Variants in CPPED1 observed in about 807,000 individuals in gnomAD.
CPPED1 encodes the protein calcineurin like phosphoesterase domain containing 1.
Under a neutral mutation model 28.0 loss-of-function variants are expected in CPPED1, and 28 were observed. The observed-to-expected ratio is 1.00, with a 90% CI of 0.74 to 1.37. The LOEUF is 1.37. Among genes scored for constraint, CPPED1 ranks in the 40% most tolerant of loss-of-function variants. CPPED1 has a pLI of 0.00. For missense variants in CPPED1, 504 were observed against 416.5 expected, an observed-to-expected ratio of 1.21 and a Z score of -1.83; for synonymous variants, 198 against 180.2, an observed-to-expected ratio of 1.10 and a Z score of -0.79.
At chr16:12,667,725 T>C (rs2079833067) in intron 3 of CPPED1, among the ~76,000 whole-genome samples, 1 of 152,206 alleles carries the variant, frequency 6.6e-6, no homozygotes, top group African/African-American at 2.4e-5. Context: ...AACATGCTCT[T>C]GATTTGAGTT....
intron 2 of CPPED1, among the ~76,000 whole-genome samples, chr16:12,752,385 C>T (rs555710986): frequency 6.6e-6 from 1 of 151,930 alleles, no homozygotes; most frequent in Non-Finnish European, 1.5e-5. Context: ...TACTCTACCA[C>T]ACGAAATATG....
chr16:12,803,678 C>T, intron 1 of CPPED1, 29 bp downstream of exon 1: 2 of 1,490,868 alleles, frequency 1.3e-6, no homozygotes, highest in Non-Finnish European at 1.8e-6. Flanking sequence ...GCCCCAGAGT[C>T]CCCTCCCCGG....
At position 12,757,077 on chromosome 16, in the gene CPPED1, C is replaced by T. The variant is rs138245450; in HGVS notation, c.289+24108G>A. On this transcript the variant is annotated intron_variant, in intron 2 of 3. Transcript: ENST00000381774. Reference sequence around the variant, plus strand: ...TAAGTTATAGCACCTCGAGGATGACCAACTAAGTTACAGCACCTTGAGGGT... The same window carrying T: ...TAAGTTATAGCACCTCGAGGATGACTAACTAAGTTACAGCACCTTGAGGGT... Among the ~76,000 whole-genome samples the T allele has an allele frequency of 2.6e-3, 401 of 152,230 alleles. 1 individual carries two copies. Among genetic ancestry groups the T allele is most frequent in the Non-Finnish European group, 3.8e-3 (261 of 68,002 alleles).
chr16:12,724,497 G>A (rs1276887543), intron 2 of CPPED1, among the ~76,000 whole-genome samples: 1 of 152,106 alleles, frequency 6.6e-6, no homozygotes, highest in African/African-American at 2.4e-5. Flanking sequence ...CACCAGCCTG[G>A]CCTCTTCCAA....
intron 2 of CPPED1, among the ~76,000 whole-genome samples, chr16:12,710,348 G>C (rs530644374): frequency 2.6e-5 from 4 of 151,992 alleles, no homozygotes; most frequent in Admixed American, 2.6e-4. Flanking sequence ...CAACTGGGAG[G>C]CTGGTCATGT....
chr16:12,710,952 A>T (rs2080076903), intron 2 of CPPED1, among the ~76,000 whole-genome samples: 1 of 152,234 alleles, frequency 6.6e-6, no homozygotes, highest in African/African-American at 2.4e-5. Context: ...AATTAAACGT[A>T]GGATTACCAG....
At chr16:12,751,246 T>C (rs2080326507) in intron 2 of CPPED1, among the ~76,000 whole-genome samples, 1 of 152,172 alleles carries the variant, frequency 6.6e-6, no homozygotes, top group Admixed American at 6.6e-5. Context: ...ACCCTTCTTT[T>C]TGTTGGCAGC....
At chr16:12,708,655 C>T (rs1234922090) in intron 2 of CPPED1, among the ~76,000 whole-genome samples, 2 of 152,180 alleles carry the variant, frequency 1.3e-5, no homozygotes, top group African/African-American at 4.8e-5. Flanking sequence ...AAGTTGAATG[C>T]CAACATTTGC....
rs147700817 is a variant in CPPED1 at position 12,726,216 on chromosome 16, A to G, written c.290-21167T>C. ...GTCACCATGCCCAGATAATTTTTGTATTTTTAGTAGAGATGGGGTATCACT... is the reference window on the plus strand; with the variant it reads ...GTCACCATGCCCAGATAATTTTTGTGTTTTTAGTAGAGATGGGGTATCACT... On this transcript the variant is annotated intron_variant, in intron 2 of 3. Transcript: ENST00000381774. Among the ~76,000 whole-genome samples, 149 of 149,686 alleles carry G rather than the reference A, an allele frequency of 1.0e-3. No homozygotes were observed. In the East Asian group the frequency reaches 0.016, roughly 16 times the overall value.
intron 2 of CPPED1, among the ~76,000 whole-genome samples, chr16:12,769,489 A>G (rs2080457931): frequency 6.6e-6 from 1 of 152,182 alleles, no homozygotes; most frequent in African/African-American, 2.4e-5. Context: ...CACGTAGAAA[A>G]TGCTGGCAGG....
intron 2 of CPPED1, among the ~76,000 whole-genome samples, chr16:12,725,499 A>C (rs1204522680): frequency 6.6e-6 from 1 of 152,168 alleles, no homozygotes; most frequent in Non-Finnish European, 1.5e-5. Flanking sequence ...ACGCAGCATC[A>C]ATCCCTTTAT....
intron 2 of CPPED1, among the ~76,000 whole-genome samples, chr16:12,731,618 T>C (rs562028650): frequency 1.3e-5 from 2 of 151,634 alleles, no homozygotes; most frequent in South Asian, 4.2e-4. Context: ...AAGCCACCGA[T>C]AATACGGAAA....
At chr16:12,704,061 C>G (rs1028212240) in intron 3 of CPPED1, among the ~76,000 whole-genome samples, 1 of 152,214 alleles carries the variant, frequency 6.6e-6, no homozygotes, top group African/African-American at 2.4e-5. Context: ...GCCCCAGGAA[C>G]TGTCCGCTAA....
At chr16:12,786,617 T>G (rs1243896820) in intron 1 of CPPED1, among the ~76,000 whole-genome samples, 1 of 152,178 alleles carries the variant, frequency 6.6e-6, no homozygotes, top group Non-Finnish European at 1.5e-5. Flanking sequence ...AGTGTCAAGA[T>G]TCTTTGAAAA....
intron 3 of CPPED1, among the ~76,000 whole-genome samples, chr16:12,669,745 C>A (rs1303790424): frequency 2.0e-5 from 3 of 152,126 alleles, no homozygotes; most frequent in Admixed American, 2.0e-4. Flanking sequence ...ATCTGGCTTC[C>A]TAGTAAGGAT....
intron 2 of CPPED1, among the ~76,000 whole-genome samples, chr16:12,716,685 G>A (rs1353699468): frequency 2.6e-5 from 4 of 152,186 alleles, no homozygotes; most frequent in East Asian, 1.9e-4. Context: ...CAAAGCCAGA[G>A]GCAGAATCTG....
chr16:12,773,439 C>T (rs926381778), intron 2 of CPPED1, among the ~76,000 whole-genome samples: 1 of 152,142 alleles, frequency 6.6e-6, no homozygotes, highest in Non-Finnish European at 1.5e-5. Context: ...AAAGTGGCCC[C>T]GACTCGGCGT....
At chr16:12,735,925 G>A (rs989152217) in intron 2 of CPPED1, among the ~76,000 whole-genome samples, 1 of 152,140 alleles carries the variant, frequency 6.6e-6, no homozygotes, top group Non-Finnish European at 1.5e-5. Context: ...TATTTAAACT[G>A]CCCCTAATGG....
intron 2 of CPPED1, among the ~76,000 whole-genome samples, chr16:12,775,053 C>G (rs1215511760): frequency 6.6e-6 from 1 of 152,174 alleles, no homozygotes; most frequent in African/African-American, 2.4e-5. Flanking sequence ...CTCCTGAGCT[C>G]AAGCAATCCA....
Sources: gnomAD v4.1 joint callset for allele counts (sites outside exome capture counted in the v4.1 genomes callset) on GRCh38, gnomAD v4.1.1 for gene constraint, MANE v1.5 for transcripts, NCBI Gene and HGNC (gene_info 2026-07-23, HGNC 2026-07-21) for gene names.